The following KIF15 variants were observed in gnomAD, a reference collection of about 807,000 sequenced individuals.
KIF15 encodes kinesin-like protein KIF15.
In KIF15, 140 loss-of-function variants were observed where a neutral mutation model predicts 190.6. That is an observed-to-expected ratio of 0.73 (90% confidence interval 0.64 to 0.84). The LOEUF (loss-of-function observed/expected upper bound fraction) is 0.84, where lower values mean the gene tolerates loss of function less well. KIF15 is among the 40% of genes least tolerant of loss of function. The pLI is 0.00. For missense variants in KIF15, 1,372 were observed against 1,584.4 expected, an observed-to-expected ratio of 0.87 and a Z score of 2.28; for synonymous variants, 528 against 551.3, an observed-to-expected ratio of 0.96 and a Z score of 0.59.
At chr3:44,812,532 C>T (rs150833059) in intron 18 of KIF15, among the ~76,000 whole-genome samples, 27 of 152,332 alleles carry the variant, frequency 1.8e-4, no homozygotes, top group African/African-American at 6.5e-4. Context: ...ACCTGGCTGA[C>T]TTAGTCAATA....
chr3:44,780,533 G>A (rs574565871), intron 4 of KIF15, among the ~76,000 whole-genome samples: 1 of 152,200 alleles, frequency 6.6e-6, no homozygotes, highest in Non-Finnish European at 1.5e-5. Context: ...AAATAATGAG[G>A]CAGACCTCTA....
At chr3:44,777,870 A>G (rs1235415055) in intron 3 of KIF15, among the ~76,000 whole-genome samples, 1 of 152,246 alleles carries the variant, frequency 6.6e-6, no homozygotes, top group Non-Finnish European at 1.5e-5. Context: ...CAATATCTAC[A>G]TGCAATATGC....
At chr3:44,863,166 C>T (rs553466222) in intron 6 of KIF15, 1 of 152,112 alleles carries the variant, frequency 6.6e-6, no homozygotes, top group African/African-American at 2.4e-5. Flanking sequence ...CAAGACAGTT[C>T]TTCCAGTGTG....
chr3:44,764,283 A>T (rs1020193193), intron 1 of KIF15, among the ~76,000 whole-genome samples: 1 of 152,190 alleles, frequency 6.6e-6, no homozygotes, highest in Non-Finnish European at 1.5e-5. Flanking sequence ...CCTGATCCCC[A>T]ACCATTACTC....
chr3:44,821,250 G>A (rs1323504326), intron 20 of KIF15, among the ~76,000 whole-genome samples: 25 of 146,756 alleles, frequency 1.7e-4, no homozygotes, highest in Admixed American at 6.7e-4. Context: ...CTGGCCGGGC[G>A]GAGGGCTGAC....
rs759620318 is a variant in KIF15, at chr3:44,794,291, C to T, written c.714C>T (p.Ala238=). The change falls in exon 8 of 35, where the codon GCC becomes GCT. Residue 238 remains alanine (A), a synonymous_variant. Transcript: ENST00000326047. ...SMNRESSRSH[A]VFTITIESME... ...ACAGAGAATCGTCTAGGTCTCATGCCGTCTTTACAATTACAATAGAGTCAA... is the reference window on the plus strand; with the variant it reads ...ACAGAGAATCGTCTAGGTCTCATGCTGTCTTTACAATTACAATAGAGTCAA... 1.7e-5 allele frequency: 28 copies of T among 1,613,810 alleles called. No individual in the cohort carries two copies. The East Asian group carries it at 3.3e-4, about 19-fold the overall frequency.
chr3:44,849,134 C>T (rs1698972255), intron 32 of KIF15, among the ~76,000 whole-genome samples: 1 of 152,140 alleles, frequency 6.6e-6, no homozygotes, highest in South Asian at 2.1e-4. Context: ...TGGGCTTTTT[C>T]TGGGTAGATA....
chr3:44,802,868 G>A lies in KIF15; in HGVS notation c.1564G>A (p.Glu522Lys), dbSNP rs905279574. The A allele has an allele frequency of 9.9e-6, 16 of 1,609,832 alleles. No homozygotes were observed. The highest frequency in any genetic ancestry group is 1.1e-5 in the Non-Finnish European group (13 of 1,178,890). The change falls in exon 14 of 35, where the codon GAG becomes AAG. Residue 522 changes from glutamate (E) to lysine (K), a missense_variant. Glu to Lys is a moderately conservative substitution (Grantham distance 56). Coordinates refer to ENST00000326047, the MANE Select transcript of KIF15 (RefSeq NM_020242.3). Reference sequence around the variant, plus strand: ...TGCTATGGAAAATCATTCCCTCAGGGAGGAGAATAGAAGACTGAGATTATT... The same window carrying A: ...TGCTATGGAAAATCATTCCCTCAGGAAGGAGAATAGAAGACTGAGATTATT... ...KYAMENHSLR[E>K]ENRRLRLLEP...
At chr3:44,814,830 C>G in intron 19 of KIF15, 81 bp from the exon 20 acceptor site, 2 of 1,086,346 alleles carry the variant, frequency 1.8e-6, no homozygotes, top group Non-Finnish European at 2.5e-6. Context: ...CTTGATTTTG[C>G]TAATTGTGGG....
Position 44,843,202 on chromosome 3 carries a change from G to C in KIF15, c.3663G>C (p.Gln1221His), listed in dbSNP as rs770025633. 6.2e-7 allele frequency: 1 copy of C among 1,613,260 alleles called. No individual in the cohort carries two copies. The highest frequency in any genetic ancestry group is 1.3e-5 in the African/African-American group (1 of 74,888). ...AGAAAAACTGGCTCCTGCAAGGTCA[G>C]CTGGATGATATTAAAAGACAAAAGG... Reference protein sequence around the residue: ...LIEKNWLLQGQLDDIKRQKEN... With the variant: ...LIEKNWLLQGHLDDIKRQKEN... The change falls in exon 30 of 35, where the codon CAG becomes CAC. Residue 1221 changes from glutamine to histidine, a missense_variant. Physicochemically the swap from Gln to His is conservative, Grantham distance 24 (BLOSUM62 0). Coordinates refer to ENST00000326047, the MANE Select transcript of KIF15 (RefSeq NM_020242.3).
intron 30 of KIF15, among the ~76,000 whole-genome samples, chr3:44,847,601 C>G (rs1306350985): frequency 6.6e-6 from 1 of 152,190 alleles, no homozygotes. Context: ...AAATGTGCCC[C>G]CTCCCAGCTG....
Position 44,801,521 on chromosome 3 carries a change from A to G in KIF15, c.1294A>G (p.Lys432Glu). Reference protein sequence around the residue: ...MLFFKKSEQEKKSLIEKVTQL... With the variant: ...MLFFKKSEQEEKSLIEKVTQL... The stretch of plus-strand genomic sequence containing the variant: ...ATTCTTTAAGAAATCTGAACAGGAA[A>G]AGAAGGTAGGAAATGGAATTAGTAA... The change falls in exon 12 of 35, where the codon AAG becomes GAG. Residue 432 changes from lysine to glutamate, a missense_variant. Physicochemically the swap from Lys to Glu is moderately conservative, Grantham distance 56. Transcript: ENST00000326047. The G allele has an allele frequency of 1.3e-6, 2 of 1,556,826 alleles. No homozygotes were observed. The highest frequency in any genetic ancestry group is 1.8e-6 in the Non-Finnish European group (2 of 1,128,956).
At chr3:44,831,184 A>C (rs1057207721) in intron 26 of KIF15, among the ~76,000 whole-genome samples, 166 bp downstream of exon 26, 27 of 152,014 alleles carry the variant, frequency 1.8e-4, no homozygotes, top group Admixed American at 1.8e-3. Context: ...TTCTACCTCT[A>C]CCTCACTGCC....
At chr3:44,830,811 C>A in intron 25 of KIF15, 85 bp from the exon 26 acceptor site, 2 of 1,375,350 alleles carry the variant, frequency 1.5e-6, no homozygotes, top group South Asian at 1.3e-5. Context: ...CTTGTCATCA[C>A]CTTGGAACCC....
At chr3:44,859,450 G>A (rs138529262) in intron 6 of KIF15, among the ~76,000 whole-genome samples, 2,830 of 152,038 alleles carry the variant, frequency 0.019, 75 homozygotes, top group African/African-American at 0.063. Context: ...GGATCACTTG[G>A]GCCCAGGGGT....
chr3:44,860,762 G>C (rs186968979), intron 6 of KIF15, among the ~76,000 whole-genome samples: 211 of 152,184 alleles, frequency 1.4e-3, no homozygotes, highest in Non-Finnish European at 2.6e-3. Flanking sequence ...CTAAACAGAA[G>C]ATACAAAAAG....
chr3:44,843,476 A>G (rs1698705622), intron 30 of KIF15, among the ~76,000 whole-genome samples: 1 of 152,258 alleles, frequency 6.6e-6, no homozygotes, highest in South Asian at 2.1e-4. Flanking sequence ...AAAACATGTG[A>G]GATACTTAAA....
intron 24 of KIF15, 28 bp from the exon 25 acceptor site, chr3:44,829,943 A>G: frequency 2.2e-6 from 3 of 1,388,942 alleles, no homozygotes; most frequent in Non-Finnish European, 2.0e-6. Context: ...GTCATTGGGT[A>G]TGAAGATATT....
chr3:44,804,965 C>T, intron 14 of KIF15, 62 bp from the exon 15 acceptor site: 1 of 1,520,684 alleles, frequency 6.6e-7, no homozygotes, highest in Non-Finnish European at 8.9e-7. Context: ...GCCTGGGCAA[C>T]ATAGTGAGGC....
Sources: allele counts gnomAD v4.1 joint callset (sites outside exome capture counted in the v4.1 genomes callset), GRCh38; gene constraint gnomAD v4.1.1; transcripts MANE v1.5; gene names NCBI Gene and HGNC (gene_info 2026-07-23, HGNC 2026-07-21).